MAML3: variants seen among roughly 807,000 people sequenced by gnomAD.
The protein encoded by MAML3 is mastermind-like protein 3.
In MAML3, 27 loss-of-function variants were observed where a neutral mutation model predicts 101.9. That is an observed-to-expected ratio of 0.27 (90% CI 0.20 to 0.37). The LOEUF is 0.37. MAML3 is among the 10% of genes least tolerant of loss of function. The pLI, the probability that MAML3 is intolerant of heterozygous loss-of-function variation, is 1.00. For synonymous variants in MAML3, 501 were observed against 555.9 expected (o/e 0.90, Z 1.39); for missense variants, 1,316 against 1,444.9 (o/e 0.91, Z 1.45).
At chr4:139,956,251 G>C (rs1733915318) in intron 1 of MAML3, among the ~76,000 whole-genome samples, 1 of 152,160 alleles carries the variant, frequency 6.6e-6, no homozygotes, top group Non-Finnish European at 1.5e-5. Flanking sequence ...TTTGAAATCT[G>C]TAAGTCAACT....
At chr4:140,018,229 C>T (rs563953325) in intron 1 of MAML3, among the ~76,000 whole-genome samples, 6 of 152,146 alleles carry the variant, frequency 3.9e-5, no homozygotes, top group Admixed American at 2.6e-4. Flanking sequence ...TATATGTAAC[C>T]GCACAAAAGC....
At chr4:139,802,931 T>C (rs1456105836) in intron 2 of MAML3, among the ~76,000 whole-genome samples, 1 of 152,200 alleles carries the variant, frequency 6.6e-6, no homozygotes, top group Non-Finnish European at 1.5e-5. Context: ...GACAAAAATA[T>C]CTTATACCTA....
rs538090007 is a variant in MAML3, at chr4:140,057,777, T to C, written c.468+95083A>G. On this transcript the variant is annotated intron_variant, in intron 1 of 4. Transcript: ENST00000509479. ...ATACCATGTCTTCCAGGTCTCCAAG[T>C]CTGCTTTTTGTATTTCTTTTCTTCC... Among the ~76,000 whole-genome samples the C allele has an allele frequency of 7.5e-4, 114 of 152,298 alleles. No homozygotes were observed. The Middle Eastern group carries it at 0.017, about 23-fold the overall frequency.
At chr4:140,092,568 G>A (rs944219630) in intron 1 of MAML3, among the ~76,000 whole-genome samples, 5 of 152,062 alleles carry the variant, frequency 3.3e-5, no homozygotes, top group Admixed American at 6.6e-5. Context: ...TTAACTCCCC[G>A]CCGCACTGCT....
chr4:139,802,710 G>A (rs1419132103), intron 2 of MAML3, among the ~76,000 whole-genome samples: 1 of 152,188 alleles, frequency 6.6e-6, no homozygotes, highest in Non-Finnish European at 1.5e-5. Flanking sequence ...TGGTAGAGTG[G>A]GGTCAAGTCT....
At chr4:140,072,508 TA>T (rs906014252) in intron 1 of MAML3, among the ~76,000 whole-genome samples, 5 of 151,806 alleles carry the variant, frequency 3.3e-5, no homozygotes, top group African/African-American at 9.7e-5. Context: ...TCGTCTCTAC[TA>T]AAAATTCAAA....
intron 4 of MAML3, among the ~76,000 whole-genome samples, chr4:139,724,900 A>G (rs1210482521): frequency 6.6e-6 from 1 of 151,850 alleles, no homozygotes; most frequent in East Asian, 1.9e-4. Flanking sequence ...CTGAGATTAC[A>G]GGTATGCATC....
At chr4:140,092,013 G>C (rs1397151389) in intron 1 of MAML3, among the ~76,000 whole-genome samples, 1 of 149,442 alleles carries the variant, frequency 6.7e-6, no homozygotes, top group Admixed American at 6.7e-5. Context: ...TATCATCTCT[G>C]TTGTCCATTG....
At position 139,784,722 on chromosome 4, in the gene MAML3, G is replaced by A. The variant is rs144834512; in HGVS notation, c.2080-54055C>T. Reference sequence around the variant, plus strand: ...CTGAAGGACCAATTAAACTGGAAGGGTACTCAGTTCTTTGGGCCTTTGCTA... The same window carrying A: ...CTGAAGGACCAATTAAACTGGAAGGATACTCAGTTCTTTGGGCCTTTGCTA... On this transcript the variant is annotated intron_variant, in intron 2 of 4. Transcript: ENST00000509479. Among the ~76,000 whole-genome samples, 135 of 152,290 alleles carry A rather than the reference G, an allele frequency of 8.9e-4. 1 individual carries two copies. Among genetic ancestry groups the A allele is most frequent in the African/African-American group, 3.2e-3 (131 of 41,554 alleles).
chr4:139,805,550 A>G (rs1730685580), intron 2 of MAML3, among the ~76,000 whole-genome samples: 1 of 152,232 alleles, frequency 6.6e-6, no homozygotes, highest in Non-Finnish European at 1.5e-5. Context: ...TTAATAAGAA[A>G]TGAATAGAAA....
intron 2 of MAML3, among the ~76,000 whole-genome samples, chr4:139,841,575 G>C (rs1469292954): frequency 6.6e-6 from 1 of 152,204 alleles, no homozygotes; most frequent in African/African-American, 2.4e-5. Context: ...AGCTCTAAAA[G>C]GGTGCAGCAG....
chr4:140,103,399 A>G (rs559949067), intron 1 of MAML3, among the ~76,000 whole-genome samples: 78 of 152,340 alleles, frequency 5.1e-4, no homozygotes, highest in African/African-American at 1.6e-3. Flanking sequence ...AAAAAGAACA[A>G]TAATTTAAAG....
At chr4:139,863,837 T>G (rs1442467582) in intron 2 of MAML3, among the ~76,000 whole-genome samples, 9 of 34,048 alleles carry the variant, frequency 2.6e-4, no homozygotes, top group Admixed American at 4.6e-4. Context: ...CATGGGTTTT[T>G]TTTTTTTTTT....
At chr4:139,730,348 G>A (rs1332460857) in intron 3 of MAML3, 68 bp downstream of exon 3, 1 of 1,395,006 alleles carries the variant, frequency 7.2e-7, no homozygotes, top group African/African-American at 1.4e-5. Context: ...CTTCCTCACA[G>A]GCAGCAGGCA....
chr4:139,723,672 T>C (rs1244424863), intron 4 of MAML3, among the ~76,000 whole-genome samples: 2 of 152,224 alleles, frequency 1.3e-5, no homozygotes. Context: ...GTCTATGTTC[T>C]GTAACACAGG....
chr4:139,868,397 C>T (rs1342164481), intron 2 of MAML3, among the ~76,000 whole-genome samples: 1 of 152,142 alleles, frequency 6.6e-6, no homozygotes, highest in Non-Finnish European at 1.5e-5. Flanking sequence ...CAGCTTGATA[C>T]TACGAAAATA....
At chr4:139,931,798 T>A (rs1257247834) in intron 1 of MAML3, among the ~76,000 whole-genome samples, 2 of 151,000 alleles carry the variant, frequency 1.3e-5, no homozygotes, top group African/African-American at 4.9e-5. Flanking sequence ...TCACCTGAGG[T>A]CAGGAGTTCA....
intron 1 of MAML3, among the ~76,000 whole-genome samples, chr4:140,000,334 G>GA (rs754334381): frequency 0.013 from 1,791 of 138,746 alleles, 18 homozygotes; most frequent in Non-Finnish European, 0.02. Context: ...TATCCCTGAA[G>GA]AAAAAAAAAA....
intron 1 of MAML3, among the ~76,000 whole-genome samples, chr4:139,913,661 G>A (rs1188658496): frequency 6.6e-6 from 1 of 152,162 alleles, no homozygotes; most frequent in South Asian, 2.1e-4. Context: ...GGCTGTGGGG[G>A]TGTCAGCGCT....
Sources: gnomAD v4.1 joint callset for allele counts (sites outside exome capture counted in the v4.1 genomes callset) on GRCh38, gnomAD v4.1.1 for gene constraint, MANE v1.5 for transcripts, NCBI Gene and HGNC (gene_info 2026-07-23, HGNC 2026-07-21) for gene names.